The following SEZ6L variants were observed in gnomAD, a reference collection of about 807,000 sequenced individuals.
SEZ6L encodes the protein seizure 6-like protein.
A neutral mutation model predicts 106.2 loss-of-function variants in SEZ6L; 37 were observed. The ratio of observed to expected loss-of-function variants is 0.35; its 90% confidence interval spans 0.27 to 0.46. The LOEUF is 0.46. Ranked by LOEUF, SEZ6L falls within the 20% of genes least tolerant of loss-of-function variation. The probability of loss-of-function intolerance (pLI) is 1.00; values close to 1 mark genes in which losing one functional copy is unlikely to be tolerated. For synonymous variants in SEZ6L, 541 were observed against 570.4 expected (o/e 0.95, Z 0.73); for missense variants, 1,172 against 1,332.8 (o/e 0.88, Z 1.88).
chr22:26,198,380 T>C (rs1025900835), intron 1 of SEZ6L, among the ~76,000 whole-genome samples: 5 of 152,238 alleles, frequency 3.3e-5, no homozygotes, highest in African/African-American at 1.2e-4. Context: ...CCAAAGACTG[T>C]AAGCTTAGAT....
chr22:26,192,100 C>T (rs1940259569), intron 1 of SEZ6L, among the ~76,000 whole-genome samples: 1 of 152,202 alleles, frequency 6.6e-6, no homozygotes, highest in Non-Finnish European at 1.5e-5. Flanking sequence ...ATCCATCCAA[C>T]CGTCCATTCA....
At chr22:26,268,307 G>A (rs2080253365) in intron 1 of SEZ6L, among the ~76,000 whole-genome samples, 1 of 152,170 alleles carries the variant, frequency 6.6e-6, no homozygotes, top group Admixed American at 6.5e-5. Context: ...GATAGAATTA[G>A]ATCACAGGAC....
intron 1 of SEZ6L, among the ~76,000 whole-genome samples, chr22:26,247,013 A>C (rs1019836405): frequency 2.0e-5 from 3 of 152,222 alleles, no homozygotes; most frequent in Non-Finnish European, 2.9e-5. Context: ...CTTTGCAAAT[A>C]TCAAGGGTGT....
At chr22:26,217,850 G>A (rs1569389485) in intron 1 of SEZ6L, among the ~76,000 whole-genome samples, 3 of 152,254 alleles carry the variant, frequency 2.0e-5, no homozygotes, top group Admixed American at 2.0e-4. Context: ...GCGATGGAAG[G>A]CGAAGTGCCT....
intron 9 of SEZ6L, among the ~76,000 whole-genome samples, chr22:26,328,151 G>A (rs1375917241): frequency 1.3e-5 from 2 of 152,178 alleles, no homozygotes; most frequent in Admixed American, 1.3e-4. Flanking sequence ...TCTGCGATTT[G>A]CATCTGGGGA....
At position 26,169,597 on chromosome 22, in the gene SEZ6L, C is replaced by A; in HGVS notation, c.-73C>A. ...CCCGCTTCCCCTTTCTCGCTCACCG[C>A]CGCCCTCCTTCCCCAGCTCCCTCGC... On this transcript the variant is annotated 5_prime_UTR_variant, in exon 1 of 17. Transcript: ENST00000248933. 1.9e-6 allele frequency: 1 copy of A among 527,026 alleles called. No homozygotes were observed. Among genetic ancestry groups the A allele is most frequent in the Non-Finnish European group, 3.0e-6 (1 of 328,050 alleles). The allele number at this position is 527,026 out of a possible 1,614,324, so 32.6% of individuals were successfully genotyped here. A position where few individuals can be genotyped will look rare whatever the true frequency, so the allele number is the denominator to read the frequency against.
At chr22:26,337,933 A>G (rs555560127) in intron 9 of SEZ6L, among the ~76,000 whole-genome samples, 1 of 152,270 alleles carries the variant, frequency 6.6e-6, no homozygotes, top group African/African-American at 2.4e-5. Context: ...CCCAGAAGCA[A>G]ACTTTCAATA....
intron 11 of SEZ6L, among the ~76,000 whole-genome samples, chr22:26,348,642 AAGAAAAAGAAAGAAAGAAAGAAAGAAAG>A (rs2083120438): frequency 3.2e-5 from 1 of 31,218 alleles, no homozygotes; most frequent in Non-Finnish European, 5.2e-5. Context: ...GAAAGAAAGA[AAGAAAAAGAAAGAAAGAAAGAAAGAAAG>A]AAAGAAAGAA....
chr22:26,220,989 GGGAA>G (rs199501327), intron 1 of SEZ6L, among the ~76,000 whole-genome samples: 1,832 of 151,772 alleles, frequency 0.012, 21 homozygotes, highest in Middle Eastern at 0.024. Flanking sequence ...GAAGGTGGGA[GGGAA>G]GGAAGGAAAG....
intron 9 of SEZ6L, among the ~76,000 whole-genome samples, chr22:26,326,233 C>T (rs1222169109): frequency 6.6e-6 from 1 of 152,218 alleles, no homozygotes; most frequent in East Asian, 1.9e-4. Flanking sequence ...TGGACATTGC[C>T]TTGTCGGTGC....
chr22:26,378,286 A>G (rs2084299088), intron 16 of SEZ6L, among the ~76,000 whole-genome samples: 1 of 152,182 alleles, frequency 6.6e-6, no homozygotes, highest in Admixed American at 6.5e-5. Context: ...TTAAATGCAT[A>G]ATCTCCTTGA....
chr22:26,336,551 C>T (rs1333407590), intron 9 of SEZ6L, among the ~76,000 whole-genome samples: 1 of 152,156 alleles, frequency 6.6e-6, no homozygotes, highest in Non-Finnish European at 1.5e-5. Context: ...AGTGGAAATC[C>T]ACTGCACCTA....
At chr22:26,175,672 G>T (rs118182124) in intron 1 of SEZ6L, among the ~76,000 whole-genome samples, 1,597 of 152,198 alleles carry the variant, frequency 0.01, 24 homozygotes, top group South Asian at 0.084. Context: ...TGGTTCATTG[G>T]TTGACACCGA....
chr22:26,268,459 C>T (rs547182872), intron 1 of SEZ6L, among the ~76,000 whole-genome samples: 1 of 152,244 alleles, frequency 6.6e-6, no homozygotes, highest in South Asian at 2.1e-4. Flanking sequence ...ACTGGTCTCC[C>T]AGTTTGAGTC....
intron 9 of SEZ6L, among the ~76,000 whole-genome samples, chr22:26,330,256 A>G (rs910214490): frequency 1.6e-5 from 1 of 62,960 alleles, no homozygotes; most frequent in Admixed American, 1.2e-4. Flanking sequence ...CGGCTCTGCT[A>G]TATAACCAGC....
intron 1 of SEZ6L, among the ~76,000 whole-genome samples, chr22:26,174,989 A>G (rs936843659): frequency 2.0e-5 from 3 of 152,238 alleles, no homozygotes; most frequent in Non-Finnish European, 4.4e-5. Flanking sequence ...TGAGAGGTTA[A>G]GCAATGCCTA....
At chr22:26,171,644 TCATA>T (rs1938615078) in intron 1 of SEZ6L, among the ~76,000 whole-genome samples, 1 of 152,342 alleles carries the variant, frequency 6.6e-6, no homozygotes, top group South Asian at 2.1e-4. Context: ...TTAAGACATT[TCATA>T]CTATTTTTCC....
chr22:26,305,538 G>A (rs113893696), intron 5 of SEZ6L, among the ~76,000 whole-genome samples: 2,922 of 152,280 alleles, frequency 0.019, 88 homozygotes, highest in East Asian at 0.059. Flanking sequence ...CATTTCATTT[G>A]TTATTAGTGA....
Position 26,383,157 on chromosome 22 carries a change from T to A in SEZ6L, c.*2862T>A, listed in dbSNP as rs1157875634. On this transcript the variant is annotated 3_prime_UTR_variant, in exon 17 of 17. Coordinates refer to ENST00000248933, the MANE Select transcript of SEZ6L (RefSeq NM_021115.5). ...GGCCATTCTTACTTAGTTTCATAGATGTGCTTTAACTATGATCCTTTGAAG... is the reference window on the plus strand; with the variant it reads ...GGCCATTCTTACTTAGTTTCATAGAAGTGCTTTAACTATGATCCTTTGAAG... 6.6e-6 allele frequency: 1 copy of A among 151,434 alleles called. No homozygotes were observed. Among genetic ancestry groups the A allele is most frequent in the South Asian group, 2.1e-4 (1 of 4,778 alleles). 9.4% of individuals were successfully genotyped at this position (151,434 alleles called of 1,614,324 possible).
Sources: allele counts gnomAD v4.1 joint callset (sites outside exome capture counted in the v4.1 genomes callset), GRCh38; gene constraint gnomAD v4.1.1; transcripts MANE v1.5; gene names NCBI Gene and HGNC (gene_info 2026-07-23, HGNC 2026-07-21).